The following GRIA3 variants were observed in gnomAD, a reference collection of about 807,000 sequenced individuals.
GRIA3 encodes glutamate ionotropic receptor AMPA type subunit 3, also known as glutamate receptor 3.
A neutral mutation model predicts 63.0 loss-of-function variants in GRIA3; 3 were observed. The observed-to-expected ratio is 0.05, with a 90% CI of 0.02 to 0.12. GRIA3 has a LOEUF of 0.12. Among genes scored for constraint, GRIA3 ranks in the 10% least tolerant of loss-of-function variants. The probability of loss-of-function intolerance (pLI) is 1.00; values close to 1 mark genes in which losing one functional copy is unlikely to be tolerated. For missense variants in GRIA3, 347 were observed against 700.9 expected (o/e 0.50, Z 5.70); for synonymous variants, 274 against 257.9 (o/e 1.06, Z -0.60).
chrX:123,481,090 A>G (rs774884382), intron 14 of GRIA3, among the ~76,000 whole-genome samples: 7 of 111,947 alleles, frequency 6.3e-5, no homozygotes, highest in Non-Finnish European at 1.3e-4. Context: ...TGAAACTTAA[A>G]TAATACATGG....
intron 2 of GRIA3, among the ~76,000 whole-genome samples, chrX:123,213,230 C>A (rs758991009): frequency 8.9e-6 from 1 of 112,325 alleles, no homozygotes; most frequent in South Asian, 3.7e-4. Flanking sequence ...AGGTTGAGAA[C>A]TGCTGGTCTA....
chrX:123,258,418 C>A (rs1459751128), intron 3 of GRIA3, among the ~76,000 whole-genome samples: 2 of 112,174 alleles, frequency 1.8e-5, no homozygotes, highest in Non-Finnish European at 3.8e-5. Context: ...TTCCAGGCAC[C>A]ATGAGTCCAG....
chrX:123,295,709 T>C (rs968960509), intron 3 of GRIA3, among the ~76,000 whole-genome samples: 2 of 111,201 alleles, frequency 1.8e-5, no homozygotes, highest in Non-Finnish European at 1.9e-5. Context: ...AAAACCCTAG[T>C]TGATTAGGAG....
chrX:123,305,243 C>T (rs748619318), intron 3 of GRIA3, among the ~76,000 whole-genome samples: 12 of 111,104 alleles, frequency 1.1e-4, no homozygotes, highest in Non-Finnish European at 2.1e-4. Flanking sequence ...CACACCCACC[C>T]AAACACAATG....
intron 5 of GRIA3, among the ~76,000 whole-genome samples, chrX:123,373,039 C>T (rs1368510640): frequency 2.7e-5 from 3 of 109,115 alleles, no homozygotes; most frequent in East Asian, 2.9e-4. Context: ...CAACAGGCCC[C>T]GGTGTGTGAT....
intron 5 of GRIA3, among the ~76,000 whole-genome samples, chrX:123,360,519 T>TAAA (rs752270406): frequency 4.7e-5 from 2 of 42,345 alleles, no homozygotes; most frequent in Non-Finnish European, 7.8e-5. Flanking sequence ...TGTCTCTACT[T>TAAA]AAAAAAAAAA....
At chrX:123,273,302 A>C (rs1259590857) in intron 3 of GRIA3, among the ~76,000 whole-genome samples, 1 of 111,952 alleles carries the variant, frequency 8.9e-6, no homozygotes, top group Non-Finnish European at 1.9e-5. Flanking sequence ...GAAGACATGC[A>C]TTTTAATGCT....
intron 3 of GRIA3, among the ~76,000 whole-genome samples, chrX:123,306,925 T>G (rs1425362575): frequency 8.9e-6 from 1 of 111,888 alleles, no homozygotes; most frequent in Non-Finnish European, 1.9e-5. Context: ...GGAAGATGCT[T>G]TGTGCATCCT....
intron 12 of GRIA3, among the ~76,000 whole-genome samples, chrX:123,444,101 C>T (rs2045690369): frequency 9.0e-6 from 1 of 111,308 alleles, no homozygotes. Flanking sequence ...GAGCTTTGAA[C>T]TCTTAACCTT....
At chrX:123,264,888 C>A (rs368357247) in intron 3 of GRIA3, among the ~76,000 whole-genome samples, 3 of 111,772 alleles carry the variant, frequency 2.7e-5, no homozygotes, top group South Asian at 3.7e-4. Flanking sequence ...TGAAGAAAAG[C>A]ATCATCAACT....
chrX:123,308,349 T>G (rs1302502380), intron 3 of GRIA3, among the ~76,000 whole-genome samples: 1 of 111,993 alleles, frequency 8.9e-6, no homozygotes, highest in Non-Finnish European at 1.9e-5. Flanking sequence ...GCCTTGGTGA[T>G]GCCAATGCTG....
At chrX:123,333,381 C>G (rs1028303804) in intron 4 of GRIA3, among the ~76,000 whole-genome samples, 2 of 111,526 alleles carry the variant, frequency 1.8e-5, no homozygotes, top group Non-Finnish European at 3.8e-5. Context: ...TACATGGAAA[C>G]TGTCCCAGAC....
intron 3 of GRIA3, among the ~76,000 whole-genome samples, chrX:123,267,404 G>A (rs755431950): frequency 1.8e-5 from 2 of 111,990 alleles, no homozygotes; most frequent in South Asian, 3.7e-4. Flanking sequence ...TCTGGCTAGA[G>A]GACAAAGCTG....
intron 3 of GRIA3, among the ~76,000 whole-genome samples, chrX:123,314,223 G>A (rs769066881): frequency 3.6e-5 from 4 of 112,250 alleles, no homozygotes; most frequent in South Asian, 7.5e-4. Flanking sequence ...TTAAGATGCC[G>A]AATGAGGAAA....
intron 5 of GRIA3, chrX:123,361,421 C>A (rs1184257292): frequency 9.0e-6 from 1 of 111,625 alleles, no homozygotes; most frequent in African/African-American, 3.3e-5. Context: ...GGTGGGCTTG[C>A]AGGTAAAAAT....
Position 123,464,990 on chromosome X carries a change from C to G in GRIA3, c.2202C>G (p.Phe734Leu). 1 of 1,210,598 alleles carries G rather than the reference C, an allele frequency of 8.3e-7. No homozygotes were observed. Among genetic ancestry groups the G allele is most frequent in the Non-Finnish European group, 1.1e-6 (1 of 894,691 alleles). ...RVRKSKGKFA[F>L]LLESTMNEYI... ...GAAAGTCCAAGGGAAAGTTCGCCTT[C>G]CTGCTGGAGTCAACCATGAATGAGT... The change falls in exon 13 of 16, where the codon TTC becomes TTG. Residue 734 changes from phenylalanine to leucine, a missense_variant. Phe to Leu is a conservative substitution (Grantham distance 22, BLOSUM62 0). Coordinates refer to ENST00000620443, the MANE Select transcript of GRIA3 (RefSeq NM_007325.5).
At chrX:123,285,432 C>T (rs762789686) in intron 3 of GRIA3, among the ~76,000 whole-genome samples, 26 of 109,171 alleles carry the variant, frequency 2.4e-4, no homozygotes, top group Admixed American at 3.9e-4. Context: ...GGATAAATGC[C>T]GCAATTAAAA....
At chrX:123,354,767 GCAA>G in intron 4 of GRIA3, 140 bp from the exon 5 acceptor site, 2 of 530,110 alleles carry the variant, frequency 3.8e-6, no homozygotes, top group Non-Finnish European at 3.4e-6. Context: ...AAAGCGAAAT[GCAA>G]CAACAAGAAA....
chrX:123,250,446 C>G (rs746432000), intron 2 of GRIA3, among the ~76,000 whole-genome samples: 240 of 111,867 alleles, frequency 2.1e-3, no homozygotes, highest in African/African-American at 7.3e-3. Flanking sequence ...GTTTTTGAAA[C>G]TGAAAGTGGA....
Sources: allele counts gnomAD v4.1 joint callset (sites outside exome capture counted in the v4.1 genomes callset), GRCh38; gene constraint gnomAD v4.1.1; transcripts MANE v1.5; gene names NCBI Gene and HGNC (gene_info 2026-07-23, HGNC 2026-07-21).